TXLNB: variants seen among roughly 807,000 people sequenced by gnomAD.
The protein encoded by TXLNB is beta-taxilin.
Under a neutral mutation model 57.4 loss-of-function variants are expected in TXLNB, and 37 were observed. That is an observed-to-expected ratio of 0.64 (90% confidence interval 0.50 to 0.85). The LOEUF (loss-of-function observed/expected upper bound fraction) is 0.85, where lower values mean the gene tolerates loss of function less well. Ranked by LOEUF, TXLNB falls within the 40% of genes least tolerant of loss-of-function variation. The probability of loss-of-function intolerance (pLI) is 0.00; values close to 1 mark genes in which losing one functional copy is unlikely to be tolerated. For synonymous variants in TXLNB, 302 were observed against 309.6 expected (o/e 0.98, Z 0.26); for missense variants, 848 against 825.6 (o/e 1.03, Z -0.33).
At chr6:139,268,987 A>G (rs1776688540) in intron 4 of TXLNB, 1 of 152,068 alleles carries the variant, frequency 6.6e-6, no homozygotes, top group Non-Finnish European at 1.5e-5. Context: ...GCAGGCTCGA[A>G]CTTCTGGGCT....
chr6:139,251,533 T>C (rs1245310566), intron 7 of TXLNB: 3 of 152,240 alleles, frequency 2.0e-5, no homozygotes, highest in Non-Finnish European at 4.4e-5. Flanking sequence ...ACAGGATACA[T>C]GTTTGGTTTC....
chr6:139,232,320 T>C, the TXLNB span, among the ~76,000 whole-genome samples: 1 of 152,216 alleles, frequency 6.6e-6, no homozygotes, highest in Non-Finnish European at 1.5e-5. Context: ...ACTGCCCCCA[T>C]GATTTAATCA....
chr6:139,161,816 T>A, the TXLNB span, among the ~76,000 whole-genome samples: 1 of 152,216 alleles, frequency 6.6e-6, no homozygotes, highest in African/African-American at 2.4e-5. Context: ...ACTTCAAGGC[T>A]CTTCATCTGA....
the TXLNB span, among the ~76,000 whole-genome samples, chr6:139,316,185 T>C: frequency 6.6e-6 from 1 of 152,260 alleles, no homozygotes; most frequent in South Asian, 2.1e-4. Flanking sequence ...CAAAGATTCT[T>C]TGCTTGGCTA....
At chr6:139,286,528 G>A (rs1365459552) in intron 2 of TXLNB, among the ~76,000 whole-genome samples, 14 of 152,000 alleles carry the variant, frequency 9.2e-5, no homozygotes, top group Non-Finnish European at 5.9e-5. Context: ...GAAGACTAGG[G>A]GCCGGGCGCA....
the TXLNB span, among the ~76,000 whole-genome samples, chr6:139,216,865 G>A: frequency 2.6e-5 from 4 of 152,112 alleles, no homozygotes; most frequent in Admixed American, 6.6e-5. Flanking sequence ...GGACTTGCAG[G>A]GAAGAGTTGG....
the TXLNB span, among the ~76,000 whole-genome samples, chr6:139,310,745 A>G: frequency 1.3e-5 from 2 of 152,222 alleles, no homozygotes; most frequent in African/African-American, 4.8e-5. Flanking sequence ...CCCAGGCTGG[A>G]GTGCAGTGAT....
At chr6:139,289,453 G>A (rs949031194) in intron 1 of TXLNB, among the ~76,000 whole-genome samples, 13 of 152,272 alleles carry the variant, frequency 8.5e-5, no homozygotes, top group African/African-American at 2.9e-4. Flanking sequence ...TCTTGCTGAC[G>A]CTCCCGGCCG....
At chr6:139,259,951 G>A (rs1776438681) in intron 6 of TXLNB, among the ~76,000 whole-genome samples, 2 of 152,134 alleles carry the variant, frequency 1.3e-5, no homozygotes, top group Admixed American at 6.5e-5. Flanking sequence ...GTCCAGGCGC[G>A]ATGGTTCACA....
the TXLNB span, among the ~76,000 whole-genome samples, chr6:139,204,026 C>A: frequency 1.3e-5 from 2 of 151,928 alleles, no homozygotes; most frequent in Non-Finnish European, 2.9e-5. Context: ...AGACAGCTTG[C>A]TGAAATGAAG....
At chr6:139,205,631 A>C in the TXLNB span, among the ~76,000 whole-genome samples, 1 of 152,126 alleles carries the variant, frequency 6.6e-6, no homozygotes, top group Non-Finnish European at 1.5e-5. Context: ...ACAAAGACAA[A>C]GAAAAAAGAA....
At position 139,243,074 on chromosome 6, in the gene TXLNB, G is replaced by T; in HGVS notation, c.1507C>A (p.Leu503Met). 6.2e-7 allele frequency: 1 copy of T among 1,614,196 alleles called. No homozygotes were observed. Among genetic ancestry groups the T allele is most frequent in the South Asian group, 1.1e-5 (1 of 91,088 alleles). Residue 503 changes from leucine to methionine, a missense_variant, in exon 10 of 10, where the codon CTG becomes ATG. Leu to Met is a conservative substitution (Grantham distance 15, BLOSUM62 2). Coordinates refer to ENST00000358430, the MANE Select transcript of TXLNB (RefSeq NM_153235.4). ...TGAATTATCATGAAGGCTGTGGCCAGATTTTTCACGGCGGTTTGGACACTA... is the reference window on the plus strand; with the variant it reads ...TGAATTATCATGAAGGCTGTGGCCATATTTTTCACGGCGGTTTGGACACTA... Reference protein sequence around the residue: ...VNSVQTAVKNLATAFMIIHHP... With the variant: ...VNSVQTAVKNMATAFMIIHHP...
At chr6:139,188,233 G>A in the TXLNB span, among the ~76,000 whole-genome samples, 3,213 of 152,222 alleles carry the variant, frequency 0.021, 120 homozygotes, top group African/African-American at 0.073. Flanking sequence ...CGATGGGTGC[G>A]TTGATGGAAA....
intron 9 of TXLNB, among the ~76,000 whole-genome samples, chr6:139,244,216 G>A (rs1776020631): frequency 6.6e-6 from 1 of 152,200 alleles, no homozygotes; most frequent in Non-Finnish European, 1.5e-5. Flanking sequence ...CTCGCAGTAT[G>A]TTCAAATCAA....
chr6:139,272,677 A>G (rs1417074524), intron 3 of TXLNB, among the ~76,000 whole-genome samples: 1 of 152,246 alleles, frequency 6.6e-6, no homozygotes, highest in African/African-American at 2.4e-5. Flanking sequence ...TAGTTATTAG[A>G]TAGGCGTGAA....
chr6:139,256,983 G>A lies in TXLNB; in HGVS notation c.1003-1345C>T, dbSNP rs578240529. ...AGAGCTGATGGGTTAAATTGGAAAG[G>A]GGATTTGGGCATACAATGACACATT... On this transcript the variant is annotated intron_variant, in intron 6 of 9. Coordinates refer to ENST00000358430, the MANE Select transcript of TXLNB (RefSeq NM_153235.4). Among the ~76,000 whole-genome samples the A allele has an allele frequency of 3.9e-5, 6 of 152,262 alleles. No homozygotes were observed. The East Asian group carries it at 9.6e-4, about 24-fold the overall frequency.
At chr6:139,298,748 C>T in the TXLNB span, among the ~76,000 whole-genome samples, 1 of 152,144 alleles carries the variant, frequency 6.6e-6, no homozygotes, top group Non-Finnish European at 1.5e-5. Context: ...GATATTTGTC[C>T]CCTCAGAGTC....
At chr6:139,233,463 A>G in the TXLNB span, among the ~76,000 whole-genome samples, 6 of 150,396 alleles carry the variant, frequency 4.0e-5, no homozygotes, top group Non-Finnish European at 8.9e-5. Context: ...TTTTTGAGAC[A>G]GTGTCTCACT....
At chr6:139,255,498 G>T in intron 7 of TXLNB, 66 bp downstream of exon 7, 2 of 1,399,356 alleles carry the variant, frequency 1.4e-6, no homozygotes, top group Non-Finnish European at 2.0e-6. Flanking sequence ...GCCCACCTTT[G>T]GCCCCAGCCT....
Sources: allele counts gnomAD v4.1 joint callset (sites outside exome capture counted in the v4.1 genomes callset), GRCh38; gene constraint gnomAD v4.1.1; transcripts MANE v1.5; gene names NCBI Gene and HGNC (gene_info 2026-07-23, HGNC 2026-07-21).